Variants in THSD4 observed in about 807,000 individuals in gnomAD.
THSD4 encodes the protein thrombospondin type-1 domain-containing protein 4.
THSD4 carries 69 observed loss-of-function variants against 119.0 expected under a neutral mutation model. The ratio of observed to expected loss-of-function variants is 0.58; its 90% CI spans 0.48 to 0.71. THSD4 has a LOEUF of 0.71. Ranked by LOEUF, THSD4 falls within the 30% of genes least tolerant of loss-of-function variation. The pLI is 0.00. For synonymous variants in THSD4, 524 were observed against 540.4 expected (o/e 0.97, Z 0.42); for missense variants, 1,393 against 1,391.1 (o/e 1.00, Z -0.02).
intron 7 of THSD4, among the ~76,000 whole-genome samples, chr15:71,465,098 T>A (rs1025350190): frequency 6.6e-6 from 1 of 152,190 alleles, no homozygotes; most frequent in African/African-American, 2.4e-5. Flanking sequence ...TGCTTGCCCT[T>A]AATGCTAGGA....
At chr15:71,614,510 C>T (rs760053159) in intron 7 of THSD4, among the ~76,000 whole-genome samples, 8 of 152,344 alleles carry the variant, frequency 5.3e-5, no homozygotes, top group African/African-American at 1.2e-4. Context: ...GATGACCTAA[C>T]GGATGTTGTT....
rs370544034 is a variant in THSD4, at chr15:71,701,559, T to C, written c.1358-26990T>C. 1.2e-4 allele frequency among the ~76,000 whole-genome samples: 18 copies of C among 152,128 alleles called. 2 individuals carry two copies. In the South Asian group the frequency reaches 1.9e-3, roughly 16 times the overall value. ...ACCTAACTATTCAACAATAGAAAAA[T>C]GATTAAATGTTACATTATTTCCATC... On this transcript the variant is annotated intron_variant, in intron 8 of 17. Transcript: ENST00000261862.
intron 3 of THSD4, 38 bp from the exon 4 acceptor site, chr15:71,214,997 C>G (rs1030077419): frequency 8.1e-6 from 10 of 1,237,322 alleles, no homozygotes; most frequent in African/African-American, 7.9e-5. Context: ...AAGAGAGGAG[C>G]GGTGTTCTGG....
At chr15:71,389,489 T>G (rs909205394) in intron 6 of THSD4, among the ~76,000 whole-genome samples, 3 of 150,560 alleles carry the variant, frequency 2.0e-5, no homozygotes, top group African/African-American at 7.3e-5. Context: ...TAAGGCTGAA[T>G]GATATTCCAC....
chr15:71,654,807 C>T (rs753154694), intron 7 of THSD4, among the ~76,000 whole-genome samples: 1 of 152,166 alleles, frequency 6.6e-6, no homozygotes, highest in Non-Finnish European at 1.5e-5. Context: ...CTGTGGGGGT[C>T]ATCTAGCCAA....
At chr15:71,649,752 C>T (rs2140978268) in intron 7 of THSD4, among the ~76,000 whole-genome samples, 2 of 152,268 alleles carry the variant, frequency 1.3e-5, no homozygotes, top group South Asian at 4.1e-4. Flanking sequence ...ACATTTAAGT[C>T]TTTAATCCAT....
chr15:71,655,477 A>G (rs2051172287), intron 7 of THSD4, among the ~76,000 whole-genome samples: 2 of 152,238 alleles, frequency 1.3e-5, no homozygotes, highest in Non-Finnish European at 2.9e-5. Flanking sequence ...AGATTTACTT[A>G]AAAGTGAATA....
At chr15:71,564,730 AC>A in intron 7 of THSD4, among the ~76,000 whole-genome samples, 1 of 124,432 alleles carries the variant, frequency 8.0e-6, no homozygotes, top group African/African-American at 3.1e-5. Flanking sequence ...GTATATTATA[AC>A]ATATAATACA....
chr15:71,325,505 A>G (rs1273810769), intron 6 of THSD4, among the ~76,000 whole-genome samples: 1 of 152,230 alleles, frequency 6.6e-6, no homozygotes, highest in Non-Finnish European at 1.5e-5. Flanking sequence ...AAAGGATGCA[A>G]GGAACCTGGA....
chr15:71,177,874 A>G (rs80222037), intron 3 of THSD4, among the ~76,000 whole-genome samples: 127,109 of 147,332 alleles, frequency 0.86, 57,468 homozygotes, highest in East Asian at 1. Flanking sequence ...TATAAACAGA[A>G]CCAAAGACAA....
intron 6 of THSD4, among the ~76,000 whole-genome samples, chr15:71,377,517 C>T (rs112092136): frequency 1.3e-5 from 2 of 151,952 alleles, no homozygotes; most frequent in African/African-American, 4.8e-5. Context: ...GGAAGGGAAC[C>T]AGGGGGCTGT....
chr15:71,149,204 A>C (rs895709824), intron 2 of THSD4, among the ~76,000 whole-genome samples: 1 of 151,946 alleles, frequency 6.6e-6, no homozygotes, highest in African/African-American at 2.4e-5. Context: ...TGTCAGAAGA[A>C]GGCAGAGGGC....
At chr15:71,340,097 T>C (rs2045545315) in intron 6 of THSD4, among the ~76,000 whole-genome samples, 1 of 152,166 alleles carries the variant, frequency 6.6e-6, no homozygotes, top group Non-Finnish European at 1.5e-5. Flanking sequence ...TGATCCGAAT[T>C]TCTAGGCTTC....
intron 6 of THSD4, among the ~76,000 whole-genome samples, chr15:71,393,212 G>A (rs1167994222): frequency 6.6e-6 from 1 of 151,020 alleles, no homozygotes; most frequent in African/African-American, 2.4e-5. Context: ...GTGGTGGAGG[G>A]GCCCGCCCCT....
rs2048062028 is a variant in THSD4, at chr15:71,498,547, A to G, written c.1152+86724A>G. Among the ~76,000 whole-genome samples the G allele has an allele frequency of 2.0e-5, 3 of 152,058 alleles. No homozygotes were observed. The South Asian group carries it at 6.2e-4, about 32-fold the overall frequency. ...GAGTCCCATCTTCTGTCTGTCTGGAATCATACCTTCCTCCACTCCCATGCC... is the reference window on the plus strand; with the variant it reads ...GAGTCCCATCTTCTGTCTGTCTGGAGTCATACCTTCCTCCACTCCCATGCC... On this transcript the variant is annotated intron_variant, in intron 7 of 17. Coordinates refer to ENST00000261862, the MANE Select transcript of THSD4 (RefSeq NM_024817.3).
At chr15:71,547,319 G>A (rs866536316) in intron 7 of THSD4, 3 of 1,534,016 alleles carry the variant, frequency 2.0e-6, no homozygotes, top group African/African-American at 1.4e-5. Context: ...GGAACTCCAG[G>A]GCTGGAATCC....
chr15:71,457,251 C>T (rs780755427), intron 7 of THSD4, among the ~76,000 whole-genome samples: 5 of 151,746 alleles, frequency 3.3e-5, no homozygotes, highest in African/African-American at 4.8e-5. Flanking sequence ...GCATTGGTGG[C>T]GTGCTCCTGT....
At chr15:71,580,309 T>C (rs1204293928) in intron 7 of THSD4, among the ~76,000 whole-genome samples, 1 of 152,200 alleles carries the variant, frequency 6.6e-6, no homozygotes, top group East Asian at 1.9e-4. Context: ...CTAAGGCGGT[T>C]AGGCTCCAGA....
intron 3 of THSD4, among the ~76,000 whole-genome samples, chr15:71,187,851 G>T (rs887126195): frequency 6.6e-6 from 1 of 152,156 alleles, no homozygotes; most frequent in African/African-American, 2.4e-5. Context: ...CATCAACAGC[G>T]AGTTTGGTTC....
Sources: gnomAD v4.1 joint callset for allele counts (sites outside exome capture counted in the v4.1 genomes callset) on GRCh38, gnomAD v4.1.1 for gene constraint, MANE v1.5 for transcripts, NCBI Gene and HGNC (gene_info 2026-07-23, HGNC 2026-07-21) for gene names.